PRKG1: variants seen among roughly 807,000 people sequenced by gnomAD.
PRKG1 encodes cGMP-dependent protein kinase 1.
A neutral mutation model predicts 88.1 loss-of-function variants in PRKG1; 35 were observed. The ratio of observed to expected loss-of-function variants is 0.40; its 90% confidence interval spans 0.30 to 0.53. The LOEUF is 0.53. PRKG1 is among the 20% of genes least tolerant of loss of function. The pLI, the probability that PRKG1 is intolerant of heterozygous loss-of-function variation, is 0.59. For missense variants in PRKG1, 540 were observed against 839.8 expected, an observed-to-expected ratio of 0.64 and a Z score of 4.41; for synonymous variants, 303 against 292.5, an observed-to-expected ratio of 1.04 and a Z score of -0.37.
Position 51,301,015 on chromosome 10 carries a change from G to T in PRKG1, c.478+147685G>T, listed in dbSNP as rs146481526. 1.3e-3 allele frequency among the ~76,000 whole-genome samples: 192 copies of T among 151,528 alleles called. 1 individual carries two copies. The highest frequency in any genetic ancestry group is 4.3e-3 in the African/African-American group (179 of 41,380). ...TCTGTGGAATGTTGACTTTTTTTTT[G>T]AGTGAGATGAGCTCTTCTCATGCCA... is the stretch of plus-strand genomic sequence containing the variant. On this transcript the variant is annotated intron_variant, in intron 2 of 17. Coordinates refer to ENST00000373980, the MANE Select transcript of PRKG1 (RefSeq NM_006258.4).
chr10:51,157,255 T>TA (rs1388019502), intron 2 of PRKG1, among the ~76,000 whole-genome samples: 5 of 151,954 alleles, frequency 3.3e-5, no homozygotes, highest in Non-Finnish European at 7.4e-5. Context: ...TTCAGATACT[T>TA]AAAAGTGCTA....
intron 2 of PRKG1, among the ~76,000 whole-genome samples, chr10:51,244,512 G>A (rs1254974560): frequency 2.0e-5 from 3 of 151,864 alleles, no homozygotes; most frequent in African/African-American, 7.3e-5. Flanking sequence ...AATTCCCCCT[G>A]CTGTGGAGTC....
chr10:51,360,159 G>A (rs1324994164), intron 2 of PRKG1, among the ~76,000 whole-genome samples: 1 of 151,848 alleles, frequency 6.6e-6, no homozygotes, highest in Admixed American at 6.6e-5. Flanking sequence ...AGCTGTAGGG[G>A]CACCAGCTAT....
At chr10:52,218,454 TGG>T (rs1175585841) in intron 9 of PRKG1, among the ~76,000 whole-genome samples, 1 of 152,050 alleles carries the variant, frequency 6.6e-6, no homozygotes, top group Admixed American at 6.6e-5. Flanking sequence ...TTTAGGCTTC[TGG>T]TTAAAAAAGA....
intron 1 of PRKG1, among the ~76,000 whole-genome samples, chr10:51,143,313 A>C (rs1845866776): frequency 6.6e-6 from 1 of 152,014 alleles, no homozygotes; most frequent in African/African-American, 2.4e-5. Context: ...GGCAGAAATT[A>C]ATTATTTTTT....
At chr10:51,492,083 C>G (rs1020821652) in intron 3 of PRKG1, among the ~76,000 whole-genome samples, 5 of 152,098 alleles carry the variant, frequency 3.3e-5, no homozygotes, top group African/African-American at 1.2e-4. Flanking sequence ...CAATTTATCT[C>G]TGTCCTCGTT....
At chr10:52,142,675 T>G (rs1257150461) in intron 8 of PRKG1, among the ~76,000 whole-genome samples, 1 of 152,146 alleles carries the variant, frequency 6.6e-6, no homozygotes, top group African/African-American at 2.4e-5. Flanking sequence ...TATTTGGAAT[T>G]AGAATTTAAA....
chr10:51,850,844 G>A (rs549859725), intron 4 of PRKG1, among the ~76,000 whole-genome samples: 3 of 152,098 alleles, frequency 2.0e-5, no homozygotes, highest in Non-Finnish European at 4.4e-5. Context: ...CTTTGACAAT[G>A]TTGAGAGGAA....
intron 3 of PRKG1, among the ~76,000 whole-genome samples, chr10:51,786,598 C>T (rs988842287): frequency 6.6e-6 from 1 of 152,102 alleles, no homozygotes; most frequent in African/African-American, 2.4e-5. Flanking sequence ...TTGAGCCTGG[C>T]ACTCACCACA....
intron 5 of PRKG1, among the ~76,000 whole-genome samples, chr10:51,961,027 A>G (rs1455056755): frequency 6.6e-6 from 1 of 152,220 alleles, no homozygotes. Context: ...ATTAAGTGCC[A>G]AAAAAGGCAT....
intron 1 of PRKG1, among the ~76,000 whole-genome samples, chr10:51,013,712 T>C (rs1215762933): frequency 6.6e-6 from 1 of 152,124 alleles, no homozygotes; most frequent in Non-Finnish European, 1.5e-5. Flanking sequence ...TAAAAAAGAA[T>C]CTATAATATA....
At chr10:51,766,562 T>G (rs1838169309) in intron 3 of PRKG1, among the ~76,000 whole-genome samples, 1 of 152,078 alleles carries the variant, frequency 6.6e-6, no homozygotes, top group Admixed American at 6.6e-5. Flanking sequence ...TTTGAAATAA[T>G]TTTACTGAGG....
chr10:52,177,441 A>G (rs1838896157), intron 9 of PRKG1, among the ~76,000 whole-genome samples: 2 of 152,260 alleles, frequency 1.3e-5, no homozygotes, highest in East Asian at 3.8e-4. Flanking sequence ...TATGTTCATC[A>G]GGGATATTTG....
At position 52,073,746 on chromosome 10, in the gene PRKG1, C is replaced by T. The variant is rs186331346; in HGVS notation, c.935+11115C>T. ...TATATGGACCTTAATTAAAAGATAC[C>T]TGTGATATAATGGCCCATTGGACTT... On this transcript the variant is annotated intron_variant, in intron 7 of 17. Coordinates refer to ENST00000373980, the MANE Select transcript of PRKG1 (RefSeq NM_006258.4). 5.9e-5 allele frequency among the ~76,000 whole-genome samples: 9 copies of T among 152,216 alleles called. No homozygotes were observed. In the East Asian group the frequency reaches 1.5e-3, roughly 26 times the overall value.
chr10:51,311,121 A>G (rs1841175228), intron 2 of PRKG1, among the ~76,000 whole-genome samples: 1 of 152,186 alleles, frequency 6.6e-6, no homozygotes, highest in African/African-American at 2.4e-5. Flanking sequence ...TCTCAGGGTC[A>G]GGTTCAAAAG....
chr10:51,743,732 A>ATTT (rs1837503626), intron 3 of PRKG1, among the ~76,000 whole-genome samples: 1 of 37,476 alleles, frequency 2.7e-5, no homozygotes, highest in African/African-American at 1.3e-4. Context: ...ATATAATATA[A>ATTT]ACTAAATATA....
intron 5 of PRKG1, among the ~76,000 whole-genome samples, chr10:52,051,675 T>C (rs1235513188): frequency 6.6e-6 from 1 of 152,222 alleles, no homozygotes; most frequent in African/African-American, 2.4e-5. Context: ...AACCCTATCA[T>C]TGGGCAGAAT....
intron 3 of PRKG1, among the ~76,000 whole-genome samples, chr10:51,803,987 A>G (rs529789193): frequency 2.6e-4 from 39 of 152,274 alleles, no homozygotes; most frequent in African/African-American, 8.7e-4. Context: ...ATAGTGGTGC[A>G]TAAGAGAATA....
chr10:51,799,453 G>A (rs535609327), intron 3 of PRKG1, among the ~76,000 whole-genome samples: 3 of 151,948 alleles, frequency 2.0e-5, no homozygotes, highest in African/African-American at 7.2e-5. Flanking sequence ...TCCTCATTTT[G>A]GAAAACACTT....
Sources: gnomAD v4.1 joint callset for allele counts (sites outside exome capture counted in the v4.1 genomes callset) on GRCh38, gnomAD v4.1.1 for gene constraint, MANE v1.5 for transcripts, NCBI Gene and HGNC (gene_info 2026-07-23, HGNC 2026-07-21) for gene names.